NECAP2: variants seen among roughly 807,000 people sequenced by gnomAD.
The protein encoded by NECAP2 is adaptin ear-binding coat-associated protein 2.
A neutral mutation model predicts 37.8 loss-of-function variants in NECAP2; 38 were observed. The observed-to-expected ratio is 1.01, with a 90% CI of 0.78 to 1.32. The LOEUF (loss-of-function observed/expected upper bound fraction) is 1.32. Among genes scored for constraint, NECAP2 ranks in the 40% most tolerant of loss-of-function variants. The pLI is 0.00. For missense variants in NECAP2, 316 were observed against 334.5 expected (o/e 0.94, Z 0.43); for synonymous variants, 121 against 127.7 (o/e 0.95, Z 0.35).
At chr1:16,458,767 G>C in intron 7 of NECAP2, 75 bp from the exon 8 acceptor site, 3 of 1,542,650 alleles carry the variant, frequency 1.9e-6, no homozygotes, top group Non-Finnish European at 2.7e-6. Context: ...TCTGTCCAGA[G>C]AGAAACCAAC....
chr1:16,441,070 C>T (rs2086683831), intron 1 of NECAP2: 3 of 566,976 alleles, frequency 5.3e-6, no homozygotes, highest in South Asian at 2.2e-5. Context: ...GCGGGGAGGG[C>T]GTTAAAGCCG....
Position 16,440,797 on chromosome 1 carries a change from C to G in NECAP2, c.36C>G (p.Val12=), listed in dbSNP as rs1418181625. Residue 12 remains valine (V), a synonymous_variant, in exon 1 of 8, where the codon GTC becomes GTG. Coordinates refer to ENST00000337132, the MANE Select transcript of NECAP2 (RefSeq NM_018090.5). ...GCGGGTACGAGTCGGTGCTCTGTGT[C>G]AAGCCTGACGTCCACGTCTACCGCA... ...EESGYESVLC[V]KPDVHVYRIP... The G allele has an allele frequency of 1.9e-6, 3 of 1,614,090 alleles. No individual in the cohort carries two copies. The African/African-American group carries it at 4.0e-5, about 22-fold the overall frequency.
At chr1:16,453,493 A>G (rs1430799760) in intron 6 of NECAP2, among the ~76,000 whole-genome samples, 2 of 151,380 alleles carry the variant, frequency 1.3e-5, no homozygotes, top group Non-Finnish European at 2.9e-5. Flanking sequence ...TTGCTGATGG[A>G]TATTTATTTA....
intron 6 of NECAP2, among the ~76,000 whole-genome samples, chr1:16,453,432 G>A (rs1294697436): frequency 6.6e-6 from 1 of 151,756 alleles, no homozygotes; most frequent in Non-Finnish European, 1.5e-5. Context: ...TTGTTTGTGT[G>A]TTGACTAAAG....
chr1:16,446,287 C>G (rs1362399397), intron 2 of NECAP2, among the ~76,000 whole-genome samples: 2 of 152,192 alleles, frequency 1.3e-5, no homozygotes, highest in African/African-American at 4.8e-5. Flanking sequence ...AAAGCACCAG[C>G]CAGGTGTGGT....
At chr1:16,448,785 C>G (rs566951903) in intron 4 of NECAP2, among the ~76,000 whole-genome samples, 1 of 152,304 alleles carries the variant, frequency 6.6e-6, no homozygotes, top group East Asian at 1.9e-4. Context: ...AGGGCAGGCT[C>G]TCACGTGTCC....
chr1:16,455,821 G>T lies in NECAP2; in HGVS notation c.671G>T (p.Gly224Val). 6.2e-7 allele frequency: 1 copy of T among 1,613,520 alleles called. No homozygotes were observed. The highest frequency in any genetic ancestry group is 8.5e-7 in the Non-Finnish European group (1 of 1,179,506). The stretch of plus-strand genomic sequence containing the variant: ...TCGGACTCGGGAACATCAATAGGAG[G>T]TGCTCCTGTACCCTGGCCACAGCCC... ...VQPAVAPSSGGAPVPWPQPNP... is the reference protein window; with the variant it reads ...VQPAVAPSSGVAPVPWPQPNP... The change falls in exon 7 of 8, where the codon GGT becomes GTT. Residue 224 changes from glycine to valine, a missense_variant. By Grantham distance (109) the Gly-to-Val change is moderately radical. Transcript: ENST00000337132.
intron 1 of NECAP2, among the ~76,000 whole-genome samples, chr1:16,443,160 A>G (rs1364393187): frequency 6.6e-6 from 1 of 152,230 alleles, no homozygotes; most frequent in East Asian, 1.9e-4. Flanking sequence ...TTCTATAGAA[A>G]GGAAACTGGA....
chr1:16,444,147 T>C (rs942114618), intron 2 of NECAP2, among the ~76,000 whole-genome samples: 2 of 152,116 alleles, frequency 1.3e-5, no homozygotes, highest in Non-Finnish European at 2.9e-5. Flanking sequence ...ACCACACCCA[T>C]TAACCGAAGA....
At chr1:16,449,496 G>A (rs976177872) in intron 5 of NECAP2, 1 of 320,460 alleles carries the variant, frequency 3.1e-6, no homozygotes, top group Non-Finnish European at 5.7e-6. Context: ...GCCCATAGTT[G>A]TGGGAACCAA....
At chr1:16,444,686 A>T (rs2086735075) in intron 2 of NECAP2, among the ~76,000 whole-genome samples, 2 of 152,230 alleles carry the variant, frequency 1.3e-5, no homozygotes. Flanking sequence ...TACTGGCGGC[A>T]GAGGAGTTTG....
In NECAP2 at chr1:16,457,708, T is replaced by A. The variant is rs279020; in HGVS notation, c.744-1134T>A. On this transcript the variant is annotated intron_variant, in intron 7 of 7. Coordinates refer to ENST00000337132, the MANE Select transcript of NECAP2 (RefSeq NM_018090.5). ...CCATTTACAAAATATAGTAATTCTG[T>A]TTTTTTTTTTTTTTTTTTTTTGAGA... Among the ~76,000 whole-genome samples, 48 of 98,052 alleles carry A rather than the reference T, an allele frequency of 4.9e-4. 1 individual carries two copies. The highest frequency in any genetic ancestry group is 3.0e-3 in the African/African-American group (47 of 15,656). 64.3% of individuals were successfully genotyped at this position (98,052 alleles called of 152,430 possible). A position where few individuals can be genotyped will look rare whatever the true frequency, so the allele number is the denominator to read the frequency against.
intron 1 of NECAP2, among the ~76,000 whole-genome samples, chr1:16,442,308 G>A (rs745966786): frequency 9.2e-5 from 14 of 152,256 alleles, no homozygotes; most frequent in South Asian, 8.3e-4. Context: ...GATGGATTTG[G>A]TTCCTCTTGG....
rs764691396 is a variant in NECAP2, at chr1:16,448,043, C to G, written c.299-17C>G. ...CTCTGCCTTTGGAAGGTGGGTTGATCATGTGTTGTTCCCCAGGGCGACGGG... is the reference window on the plus strand; with the variant it reads ...CTCTGCCTTTGGAAGGTGGGTTGATGATGTGTTGTTCCCCAGGGCGACGGG... On this transcript the variant is annotated splice_polypyrimidine_tract_variant and intron_variant, in intron 3 of 7. Coordinates refer to ENST00000337132, the MANE Select transcript of NECAP2 (RefSeq NM_018090.5). 22 of 1,614,006 alleles carry G rather than the reference C, an allele frequency of 1.4e-5. No homozygotes were observed. The East Asian group carries it at 3.6e-4, about 26-fold the overall frequency.
chr1:16,452,101 T>C (rs2086853234), intron 6 of NECAP2, 86 bp downstream of exon 6: 1 of 1,346,342 alleles, frequency 7.4e-7, no homozygotes, highest in Non-Finnish European at 1.0e-6. Flanking sequence ...TCCCCCCCGT[T>C]ACACACATGG....
chr1:16,444,055 T>C (rs971279553), intron 2 of NECAP2, among the ~76,000 whole-genome samples: 2 of 151,772 alleles, frequency 1.3e-5, no homozygotes, highest in Non-Finnish European at 2.9e-5. Context: ...GACAGGCGGG[T>C]GAGGATGCAC....
intron 2 of NECAP2, among the ~76,000 whole-genome samples, chr1:16,445,385 T>C (rs971011126): frequency 3.3e-5 from 5 of 152,242 alleles, no homozygotes; most frequent in African/African-American, 1.2e-4. Context: ...TCTTGGCCTA[T>C]GTCTAGCAGA....
chr1:16,449,314 G>A lies in NECAP2; in HGVS notation c.489+113G>A, dbSNP rs56175303. 0.014 allele frequency: 9,719 copies of A among 692,102 alleles called. 645 individuals are homozygous for A. In the African/African-American group the frequency reaches 0.15, roughly 10 times the overall value. The allele number at this position is 692,102 out of a possible 1,614,324, so 42.9% of individuals were successfully genotyped here. On this transcript the variant is annotated intron_variant, in intron 5 of 7. Transcript: ENST00000337132. ...CTTCAGTTCAGCAGATGTTTAGTGA[G>A]CATCTGCCTTGTGCCAGGTCCTGCA...
intron 6 of NECAP2, among the ~76,000 whole-genome samples, chr1:16,454,312 A>C (rs1379210457): frequency 6.9e-6 from 1 of 144,034 alleles, no homozygotes; most frequent in Non-Finnish European, 1.5e-5. Flanking sequence ...TCCCGCCTTG[A>C]CCTCCCAAAG....
Sources: allele counts gnomAD v4.1 joint callset (sites outside exome capture counted in the v4.1 genomes callset), GRCh38; gene constraint gnomAD v4.1.1; transcripts MANE v1.5; gene names NCBI Gene and HGNC (gene_info 2026-07-23, HGNC 2026-07-21).